The following NCKAP1L variants were observed in gnomAD, a reference collection of about 807,000 sequenced individuals.
The protein encoded by NCKAP1L is nck-associated protein 1-like.
A neutral mutation model predicts 139.2 loss-of-function variants in NCKAP1L; 53 were observed. That is an observed-to-expected ratio of 0.38 (90% CI 0.31 to 0.48). The LOEUF (loss-of-function observed/expected upper bound fraction) is 0.48, where lower values mean the gene tolerates loss of function less well. NCKAP1L is among the 20% of genes least tolerant of loss of function. The pLI is 0.98. For synonymous variants in NCKAP1L, 468 were observed against 499.7 expected (o/e 0.94, Z 0.85); for missense variants, 1,151 against 1,381.9 (o/e 0.83, Z 2.65).
chr12:54,541,405 T>A (rs530668985), intron 30 of NCKAP1L, among the ~76,000 whole-genome samples: 1 of 152,318 alleles, frequency 6.6e-6, no homozygotes, highest in Non-Finnish European at 1.5e-5. Flanking sequence ...GGCCAGTGGA[T>A]TTGCTTGAAG....
chr12:54,532,281 A>G (rs1346482537), intron 26 of NCKAP1L, 31 bp downstream of exon 26: 13 of 1,566,916 alleles, frequency 8.3e-6, no homozygotes, highest in Non-Finnish European at 1.1e-5. Context: ...GAATCTAATT[A>G]GGAGACTTTT....
At chr12:54,507,552 T>A (rs1028372568) in intron 3 of NCKAP1L, among the ~76,000 whole-genome samples, 2 of 152,180 alleles carry the variant, frequency 1.3e-5, no homozygotes, top group African/African-American at 4.8e-5. Flanking sequence ...ATAATCTACA[T>A]TTTACAACCT....
intron 3 of NCKAP1L, among the ~76,000 whole-genome samples, chr12:54,506,824 T>TATATATATATATATATATATATATATA (rs71070825): frequency 7.3e-6 from 1 of 137,806 alleles, no homozygotes; most frequent in Non-Finnish European, 1.6e-5. Context: ...TATATATATA[T>TATATATATATATATATATATATATATA]TCCTTAATCT....
intron 26 of NCKAP1L, among the ~76,000 whole-genome samples, chr12:54,533,250 G>C (rs80028359): frequency 0.021 from 3,227 of 152,288 alleles, 48 homozygotes; most frequent in South Asian, 0.044. Flanking sequence ...GATATCTCCT[G>C]GGTAGCTCCA....
At chr12:54,540,211 C>T (rs776638391) in intron 30 of NCKAP1L, among the ~76,000 whole-genome samples, 1 of 152,172 alleles carries the variant, frequency 6.6e-6, no homozygotes, top group Admixed American at 6.5e-5. Flanking sequence ...TTGTCCGAGG[C>T]CCAGAAATGC....
chr12:54,501,227 G>C (rs1956795492), intron 3 of NCKAP1L, among the ~76,000 whole-genome samples: 1 of 152,086 alleles, frequency 6.6e-6, no homozygotes, highest in Admixed American at 6.5e-5. Flanking sequence ...TTTTGTGGCT[G>C]GCTTATTTCA....
chr12:54,544,988 ACTC>A lies in NCKAP1L; in HGVS notation c.*2304_*2306del, dbSNP rs1244067842. ...ATTCCAGGCTGAGTGACAGAGCGAG[ACTC>A]TGTCTCAAAAAATAAATAATAATTT... On this transcript the variant is annotated 3_prime_UTR_variant, in exon 31 of 31. Transcript: ENST00000293373. 2 of 152,008 alleles carry A rather than the reference ACTC, an allele frequency of 1.3e-5. No individual in the cohort carries two copies. Among genetic ancestry groups the A allele is most frequent in the African/African-American group, 4.8e-5 (2 of 41,384 alleles). 9.4% of individuals were successfully genotyped at this position (152,008 alleles called of 1,614,324 possible). A position where few individuals can be genotyped will look rare whatever the true frequency, so the allele number is the denominator to read the frequency against.
chr12:54,528,356 G>A lies in NCKAP1L; in HGVS notation c.2485G>A (p.Glu829Lys), dbSNP rs778805911. The A allele has an allele frequency of 2.0e-5, 33 of 1,613,826 alleles. No homozygotes were observed. The highest frequency in any genetic ancestry group is 2.8e-5 in the Non-Finnish European group (33 of 1,179,962). Residue 829 changes from glutamate to lysine, a missense_variant, in exon 22 of 31, where the codon GAG (glutamate) becomes AAG (lysine). Coordinates refer to ENST00000293373, the MANE Select transcript of NCKAP1L (RefSeq NM_005337.5). Reference sequence around the variant, plus strand: ...AGAAGGGGAGCAGAACTTCAGTGCAGAGGAGTTCTCTGACATCTCTGGTGA... The same window carrying A: ...AGAAGGGGAGCAGAACTTCAGTGCAAAGGAGTTCTCTGACATCTCTGGTGA... ...PREGEQNFSAEEFSDISEMRA... is the reference protein window; with the variant it reads ...PREGEQNFSAKEFSDISEMRA...
rs1271834538 is a variant in NCKAP1L, at chr12:54,547,836, A to G, written c.*5151A>G. The stretch of plus-strand genomic sequence containing the variant: ...AAATGGACTGTGTAGGAGTGTGACT[A>G]GGGTCTCAGATGCAGCCATTTCTTG... On this transcript the variant is annotated 3_prime_UTR_variant, in exon 31 of 31. Transcript: ENST00000293373. 2.0e-5 allele frequency: 3 copies of G among 152,324 alleles called. No homozygotes were observed. The East Asian group carries it at 5.8e-4, about 29-fold the overall frequency. 9.4% of individuals were successfully genotyped at this position (152,324 alleles called of 1,614,324 possible).
At chr12:54,532,398 T>C (rs562738422) in intron 26 of NCKAP1L, 148 bp downstream of exon 26, 2 of 504,068 alleles carry the variant, frequency 4.0e-6, no homozygotes, top group Non-Finnish European at 6.9e-6. Flanking sequence ...CAGATGAATA[T>C]TCTTGGAGAG....
Position 54,506,403 on chromosome 12 carries a change from A to AAT in NCKAP1L, c.307-1437_307-1436dup, listed in dbSNP as rs202128557. Among the ~76,000 whole-genome samples the AAT allele has an allele frequency of 1.8e-3, 278 of 150,680 alleles. 1 individual carries two copies. The highest frequency in any genetic ancestry group is 5.8e-3 in the African/African-American group (240 of 41,094). ...AACATCTTTTCATGTGCTTATTATA[A>AAT]ATATATATATATATTTTGAGACAGA... On this transcript the variant is annotated intron_variant, in intron 3 of 30. Transcript: ENST00000293373.
intron 3 of NCKAP1L, among the ~76,000 whole-genome samples, chr12:54,507,491 T>A (rs1956852411): frequency 6.6e-6 from 1 of 152,192 alleles, no homozygotes; most frequent in South Asian, 2.1e-4. Context: ...TACTTCGTGG[T>A]TTGTCAATAC....
At chr12:54,528,089 G>T (rs960159793) in intron 21 of NCKAP1L, among the ~76,000 whole-genome samples, 158 bp from the exon 22 acceptor site, 1 of 152,112 alleles carries the variant, frequency 6.6e-6, no homozygotes, top group Non-Finnish European at 1.5e-5. Flanking sequence ...ATCAGCTTGG[G>T]GTGTTAATTA....
rs747373069 is a variant in NCKAP1L at position 54,523,415 on chromosome 12, A to G, written c.1900A>G (p.Thr634Ala). ...GAAGCTTCTACCTAAGCACTGTGCC[A>G]CTACAATCAGCAAAGCCAAGAACAA... ...SEQLLPKHCATTISKAKNKKT... is the reference protein window; with the variant it reads ...SEQLLPKHCAATISKAKNKKT... Residue 634 changes from threonine to alanine, a missense_variant, in exon 19 of 31, where the codon ACT (threonine) becomes GCT (alanine). Coordinates refer to ENST00000293373, the MANE Select transcript of NCKAP1L (RefSeq NM_005337.5). 1.1e-5 allele frequency: 18 copies of G among 1,614,170 alleles called. No homozygotes were observed. The highest frequency in any genetic ancestry group is 1.4e-5 in the Non-Finnish European group (16 of 1,180,014).
chr12:54,528,889 C>G (rs1014562277), intron 22 of NCKAP1L, among the ~76,000 whole-genome samples: 1 of 152,102 alleles, frequency 6.6e-6, no homozygotes, highest in African/African-American at 2.4e-5. Flanking sequence ...CCCGCCTCAG[C>G]CTTCCAAAGC....
intron 26 of NCKAP1L, among the ~76,000 whole-genome samples, chr12:54,534,465 A>G (rs1452528803): frequency 2.0e-5 from 3 of 152,224 alleles, no homozygotes; most frequent in Non-Finnish European, 4.4e-5. Flanking sequence ...GATAACTAAC[A>G]CCAGATGCTG....
At chr12:54,509,413 C>T (rs1956868906) in intron 5 of NCKAP1L, among the ~76,000 whole-genome samples, 1 of 152,156 alleles carries the variant, frequency 6.6e-6, no homozygotes. Context: ...TATCATGTGT[C>T]CAACCCTATT....
intron 20 of NCKAP1L, among the ~76,000 whole-genome samples, chr12:54,525,769 A>G (rs1957020971): frequency 6.6e-6 from 1 of 152,158 alleles, no homozygotes. Context: ...TTGCCAAAAA[A>G]CACAAAACAA....
At chr12:54,527,149 T>C (rs1957032966) in intron 21 of NCKAP1L, among the ~76,000 whole-genome samples, 1 of 152,220 alleles carries the variant, frequency 6.6e-6, no homozygotes, top group African/African-American at 2.4e-5. Flanking sequence ...CTCTGGAACG[T>C]CTCCTTGTCC....
Sources: gnomAD v4.1 joint callset for allele counts (sites outside exome capture counted in the v4.1 genomes callset) on GRCh38, gnomAD v4.1.1 for gene constraint, MANE v1.5 for transcripts, NCBI Gene and HGNC (gene_info 2026-07-23, HGNC 2026-07-21) for gene names.